BCAT2: variants seen among roughly 807,000 people sequenced by gnomAD.
BCAT2 encodes the protein branched-chain-amino-acid aminotransferase, mitochondrial.
In BCAT2, 44 loss-of-function variants were observed where a neutral mutation model predicts 52.9. That is an observed-to-expected ratio of 0.83 (90% CI 0.65 to 1.07). The LOEUF is 1.07. Among genes scored for constraint, BCAT2 ranks in the 50% least tolerant of loss-of-function variants. The probability of loss-of-function intolerance (pLI) is 0.00; values close to 1 mark genes in which losing one functional copy is unlikely to be tolerated. For missense variants in BCAT2, 478 were observed against 521.8 expected (o/e 0.92, Z 0.82); for synonymous variants, 215 against 217.1 (o/e 0.99, Z 0.08).
At chr19:48,795,955 C>T (rs1221042601) in intron 10 of BCAT2, 3 of 277,402 alleles carry the variant, frequency 1.1e-5, no homozygotes, top group Non-Finnish European at 2.0e-5. Context: ...AAAGGGATAG[C>T]CCAGGGCTCC....
Position 48,806,230 on chromosome 19 carries a change from G to T in BCAT2, c.300+287C>A, listed in dbSNP as rs529144959. ...CCATGCTTTCTTTCAAGTGAGGCTG[G>T]GGGTCTCTACTGGCCTCCACAGGGC... On this transcript the variant is annotated intron_variant, in intron 3 of 10. Transcript: ENST00000316273. Among the ~76,000 whole-genome samples the T allele has an allele frequency of 1.5e-4, 23 of 150,126 alleles. 1 individual carries two copies. Among genetic ancestry groups the T allele is most frequent in the African/African-American group, 5.4e-4 (22 of 40,722 alleles).
chr19:48,798,367 A>G (rs11881788), intron 6 of BCAT2, among the ~76,000 whole-genome samples: 2,841 of 152,186 alleles, frequency 0.019, 85 homozygotes, highest in African/African-American at 0.063. Context: ...CAAGCCTCCC[A>G]TGGCTCCCCA....
intron 3 of BCAT2, among the ~76,000 whole-genome samples, chr19:48,800,910 C>G (rs748059709): frequency 1.3e-5 from 2 of 152,160 alleles, no homozygotes; most frequent in Non-Finnish European, 2.9e-5. Context: ...ACCCTTGACA[C>G]GTTTACCAGA....
intron 6 of BCAT2, among the ~76,000 whole-genome samples, chr19:48,798,097 G>T (rs1490153496): frequency 2.0e-5 from 3 of 151,908 alleles, no homozygotes; most frequent in Non-Finnish European, 4.4e-5. Flanking sequence ...TAGAGACGGG[G>T]TTTCACCATG....
At position 48,807,598 on chromosome 19, in the gene BCAT2, G is replaced by C. The variant is rs1327865159; in HGVS notation, c.25-524C>G. On this transcript the variant is annotated intron_variant, in intron 1 of 10. Coordinates refer to ENST00000316273, the MANE Select transcript of BCAT2 (RefSeq NM_001190.4). The surrounding 1 kb of genome is among the most constrained non-coding windows in gnomAD (Gnocchi z 4.6). ...AGCCCCTCCTCCCTCAGACCCTGGAGTCCAGGCCTCAGACCCTCCTCCCTT... is the reference window on the plus strand; with the variant it reads ...AGCCCCTCCTCCCTCAGACCCTGGACTCCAGGCCTCAGACCCTCCTCCCTT... 1 of 597,514 alleles carries C rather than the reference G, an allele frequency of 1.7e-6. No homozygotes were observed. Among genetic ancestry groups the C allele is most frequent in the Admixed American group, 6.1e-5 (1 of 16,472 alleles). The allele number at this position is 597,514 out of a possible 1,614,324, so 37.0% of individuals were successfully genotyped here. A position where few individuals can be genotyped will look rare whatever the true frequency, so the allele number is the denominator to read the frequency against.
At position 48,796,644 on chromosome 19, in the gene BCAT2, C is replaced by T. The variant is rs746613249; in HGVS notation, c.999G>A (p.Arg333=). 4 of 1,613,760 alleles carry T rather than the reference C, an allele frequency of 2.5e-6. No homozygotes were observed. The South Asian group carries it at 3.3e-5, about 13-fold the overall frequency. ...LLRALEEGRV[R]EVFGSGTACQ... is the part of the protein sequence containing the mutation. ...AAGCGGTGCCCGAGCCAAAGACTTCCCGCACGCGGCCCTCCTCCAGGGCCC... is the reference window on the plus strand; with the variant it reads ...AAGCGGTGCCCGAGCCAAAGACTTCTCGCACGCGGCCCTCCTCCAGGGCCC... Residue 333 remains arginine, a synonymous_variant, in exon 9 of 11, where the codon CGG becomes CGA. Coordinates refer to ENST00000316273, the MANE Select transcript of BCAT2 (RefSeq NM_001190.4).
chr19:48,795,220 C>T lies in BCAT2; in HGVS notation c.*206G>A. On this transcript the variant is annotated 3_prime_UTR_variant, in exon 11 of 11. Transcript: ENST00000316273. ...CAAGGAGTAATGGGCGGACCTGAAC[C>T]CGCGACGAGGGGCTGGGGGCCAAGA... 1.6e-6 allele frequency: 1 copy of T among 641,772 alleles called. No homozygotes were observed. Among genetic ancestry groups the T allele is most frequent in the South Asian group, 1.8e-5 (1 of 54,756 alleles). The allele number at this position is 641,772 out of a possible 1,614,324, so 39.8% of individuals were successfully genotyped here. A position where few individuals can be genotyped will look rare whatever the true frequency, so the allele number is the denominator to read the frequency against.
At chr19:48,797,092 C>CCTT (rs2034541930) in intron 7 of BCAT2, 70 bp from the exon 8 acceptor site, 3 of 1,608,682 alleles carry the variant, frequency 1.9e-6, no homozygotes, top group Non-Finnish European at 2.5e-6. Context: ...AGAGCCACCC[C>CCTT]CTTCCCCCAT....
intron 10 of BCAT2, 134 bp downstream of exon 10, chr19:48,796,294 G>T (rs1000768345): frequency 6.0e-6 from 7 of 1,158,794 alleles, no homozygotes; most frequent in Middle Eastern, 2.0e-4. Context: ...CACTCTCCAG[G>T]GCCTCAATAA....
At position 48,797,289 on chromosome 19, in the gene BCAT2, C is replaced by T. The variant is rs779757269; in HGVS notation, c.740G>A (p.Arg247Gln). Residue 247 changes from arginine to glutamine, a missense_variant, in exon 7 of 11, where the codon CGG (arginine) becomes CAG (glutamine). Coordinates refer to ENST00000316273, the MANE Select transcript of BCAT2 (RefSeq NM_001190.4). ...TVLVQQEALK[R>Q]GCEQVLWLYG... ...CAGCCAGAGGACCTGTTCACAGCCC[C>T]GCTTGAGTGCCTCCTGTTGCACTAA... The T allele has an allele frequency of 8.1e-6, 13 of 1,614,010 alleles. No homozygotes were observed. The highest frequency in any genetic ancestry group is 6.7e-5 in the East Asian group (3 of 44,880).
At chr19:48,810,543 T>G (rs1043257580) in intron 1 of BCAT2, among the ~76,000 whole-genome samples, 5 of 151,976 alleles carry the variant, frequency 3.3e-5, no homozygotes, top group Non-Finnish European at 1.5e-5. Context: ...AATAGGACCT[T>G]GAGTCCAATT....
Position 48,799,865 on chromosome 19 carries a change from G to A in BCAT2, c.532-27C>T, listed in dbSNP as rs2034616162. ...TGCGACGGGCAAAGGGACAGCGTCA[G>A]GAGTCCAGGCCCCCAGTCCCTTCCC... is the stretch of plus-strand genomic sequence containing the variant. On this transcript the variant is annotated intron_variant, in intron 5 of 10. Coordinates refer to ENST00000316273, the MANE Select transcript of BCAT2 (RefSeq NM_001190.4). This position sits in a 1 kb window ranked among gnomAD's most constrained non-coding sequence, Gnocchi z 5.5. 1 of 1,573,850 alleles carries A rather than the reference G, an allele frequency of 6.4e-7. No homozygotes were observed. Among genetic ancestry groups the A allele is most frequent in the South Asian group, 1.2e-5 (1 of 86,854 alleles).
intron 4 of BCAT2, 28 bp from the exon 5 acceptor site, chr19:48,800,128 G>C: frequency 6.2e-7 from 1 of 1,613,356 alleles, no homozygotes; most frequent in South Asian, 1.1e-5. Context: ...TGAGTCAAGG[G>C]GCCCTTGCTG....
chr19:48,810,736 C>CTTT lies in BCAT2; in HGVS notation c.24+245_24+247dup, dbSNP rs35945446. ...TTACAGGGTCCTCCACCATGTTTCCCTTTTTTTTTTTTTTTTTACCTCCCC... is the reference window on the plus strand; with the variant it reads ...TTACAGGGTCCTCCACCATGTTTCCCTTTTTTTTTTTTTTTTTTTTACCTCCCC... On this transcript the variant is annotated intron_variant, in intron 1 of 10. Transcript: ENST00000316273. The CTTT allele has an allele frequency of 8.6e-4, 617 of 721,002 alleles. 1 individual carries two copies. Among genetic ancestry groups the CTTT allele is most frequent in the Admixed American group, 1.4e-3 (18 of 13,192 alleles). 44.7% of individuals were successfully genotyped at this position (721,002 alleles called of 1,614,324 possible).
intron 2 of BCAT2, 98 bp from the exon 3 acceptor site, chr19:48,806,815 A>G (rs1351505610): frequency 1.4e-6 from 2 of 1,476,754 alleles, no homozygotes; most frequent in African/African-American, 2.8e-5. Flanking sequence ...CATAGAGAAG[A>G]AGGACCTGTC....
chr19:48,796,892 C>G, intron 8 of BCAT2, 45 bp downstream of exon 8: 1 of 1,607,608 alleles, frequency 6.2e-7, no homozygotes, highest in South Asian at 1.1e-5. Context: ...GATGCCCTGG[C>G]CCCTGGCACA....
At position 48,797,007 on chromosome 19, in the gene BCAT2, G is replaced by A. The variant is rs201958057; in HGVS notation, c.854C>T (p.Thr285Met). 23 of 1,614,152 alleles carry A rather than the reference G, an allele frequency of 1.4e-5. No individual in the cohort carries two copies. The highest frequency in any genetic ancestry group is 6.7e-5 in the East Asian group (3 of 44,878). Residue 285 changes from threonine to methionine, a missense_variant, in exon 8 of 11, where the codon ACG (threonine) becomes ATG (methionine). Thr to Met is a moderately conservative substitution (Grantham distance 81). Transcript: ENST00000316273. ...CAGGATAACACCATTCAGCGGGGGC[G>A]TCACCAGCTCCAGCACTAGGGCAGG... ...THEDGVLELV[T>M]PPLNGVILPG...
chr19:48,799,465 T>C lies in BCAT2; in HGVS notation c.695+210A>G. 3.1e-6 allele frequency: 2 copies of C among 644,614 alleles called. No homozygotes were observed. The highest frequency in any genetic ancestry group is 2.4e-6 in the Non-Finnish European group (1 of 415,660). The allele number at this position is 644,614 out of a possible 1,614,324, so 39.9% of individuals were successfully genotyped here. ...CCCAATGCCTTCCCATCTGTGAGCC[T>C]TTTTGTCCATCTGAAAAATAATCCC... On this transcript the variant is annotated intron_variant, in intron 6 of 10. Coordinates refer to ENST00000316273, the MANE Select transcript of BCAT2 (RefSeq NM_001190.4). The surrounding 1 kb of genome is among the most constrained non-coding windows in gnomAD (Gnocchi z 5.5).
chr19:48,802,441 CTTTTTTTTTT>C (rs35775607), intron 3 of BCAT2, among the ~76,000 whole-genome samples: 9 of 87,040 alleles, frequency 1.0e-4, no homozygotes, highest in Non-Finnish European at 1.9e-4. Context: ...TACTGGATTC[CTTTTTTTTTT>C]TTTTTTTTTT....
Sources: allele counts gnomAD v4.1 joint callset (sites outside exome capture counted in the v4.1 genomes callset), GRCh38; gene constraint gnomAD v4.1.1; non-coding constraint Gnocchi (gnomAD v3.1); transcripts MANE v1.5; gene names NCBI Gene and HGNC (gene_info 2026-07-23, HGNC 2026-07-21).